The following COLEC10 variants were observed in gnomAD, a reference collection of about 807,000 sequenced individuals.
COLEC10 encodes collectin-10.
Under a neutral mutation model 28.4 loss-of-function variants are expected in COLEC10, and 22 were observed. The ratio of observed to expected loss-of-function variants is 0.78; its 90% confidence interval spans 0.55 to 1.11. COLEC10 has a LOEUF of 1.11. Ranked by LOEUF, COLEC10 falls within the 50% of genes least tolerant of loss-of-function variation. The pLI, the probability that COLEC10 is intolerant of heterozygous loss-of-function variation, is 0.00. For missense variants in COLEC10, 361 were observed against 344.1 expected (o/e 1.05, Z -0.39); for synonymous variants, 125 against 116.1 (o/e 1.08, Z -0.49).
chr8:118,957,816 C>T, the COLEC10 span, among the ~76,000 whole-genome samples: 34 of 152,138 alleles, frequency 2.2e-4, no homozygotes, highest in African/African-American at 8.2e-4. Flanking sequence ...ATTTTACCAC[C>T]ATTATGCTAG....
intron 5 of COLEC10, among the ~76,000 whole-genome samples, chr8:119,105,239 G>A (rs1373556197): frequency 6.6e-6 from 1 of 152,128 alleles, no homozygotes; most frequent in Non-Finnish European, 1.5e-5. Flanking sequence ...AGAAATGCAG[G>A]CAAACGATGA....
intron 2 of COLEC10, among the ~76,000 whole-genome samples, chr8:119,032,299 A>C (rs76002117): frequency 6.6e-6 from 1 of 152,116 alleles, no homozygotes; most frequent in Non-Finnish European, 1.5e-5. Flanking sequence ...AGCCCCTTCA[A>C]ACTTTGCTAT....
intron 2 of COLEC10, among the ~76,000 whole-genome samples, chr8:119,054,018 T>C (rs1814723125): frequency 1.3e-5 from 2 of 152,128 alleles, no homozygotes; most frequent in South Asian, 2.1e-4. Flanking sequence ...TCTTGTACTT[T>C]GGAGCCATGA....
intron 2 of COLEC10, 30 bp downstream of exon 2, chr8:119,089,781 T>C (rs766118939): frequency 6.5e-5 from 102 of 1,565,252 alleles, no homozygotes; most frequent in Non-Finnish European, 8.5e-5. Flanking sequence ...ACTGACATTT[T>C]AATATCATAA....
chr8:119,051,385 T>G (rs150371851), intron 2 of COLEC10, among the ~76,000 whole-genome samples: 157 of 152,316 alleles, frequency 1.0e-3, no homozygotes, highest in African/African-American at 3.6e-3. Flanking sequence ...CTTTTAACCT[T>G]CCTGAGCCTC....
chr8:119,099,985 C>T (rs982786870), intron 3 of COLEC10, among the ~76,000 whole-genome samples: 11 of 152,070 alleles, frequency 7.2e-5, no homozygotes, highest in South Asian at 2.1e-4. Flanking sequence ...CTGGAATCAA[C>T]GTTCCATCTG....
At chr8:119,030,793 C>A (rs1814273945) in intron 2 of COLEC10, among the ~76,000 whole-genome samples, 2 of 152,152 alleles carry the variant, frequency 1.3e-5, no homozygotes, top group African/African-American at 4.8e-5. Flanking sequence ...CATGGGAAGG[C>A]ATGTCTTATA....
intron 1 of COLEC10, among the ~76,000 whole-genome samples, chr8:119,007,953 A>G (rs1263496335): frequency 2.0e-5 from 3 of 151,028 alleles, no homozygotes; most frequent in Admixed American, 2.0e-4. Flanking sequence ...CCTGAGCCTG[A>G]CACAAGGTTG....
At chr8:119,022,537 T>G (rs888950385) in intron 2 of COLEC10, among the ~76,000 whole-genome samples, 1 of 152,148 alleles carries the variant, frequency 6.6e-6, no homozygotes, top group Non-Finnish European at 1.5e-5. Flanking sequence ...ACTACTTATT[T>G]TTTTCACACC....
chr8:119,035,284 A>G (rs538079259), intron 2 of COLEC10, among the ~76,000 whole-genome samples: 4 of 124,056 alleles, frequency 3.2e-5, no homozygotes, highest in Non-Finnish European at 6.6e-5. Flanking sequence ...ACTTTCAGGA[A>G]TATCTGCTAT....
At chr8:119,067,590 T>C (rs1814997135) in intron 1 of COLEC10, 161 bp downstream of exon 1, 2 of 640,830 alleles carry the variant, frequency 3.1e-6, no homozygotes, top group East Asian at 5.7e-5. Flanking sequence ...ATCTGGTCTG[T>C]TACTTATTTA....
In COLEC10 at chr8:119,019,144, A is replaced by T. The variant is rs557898978; in HGVS notation, n.235+9591A>T. On this transcript the variant is annotated intron_variant and non_coding_transcript_variant, in intron 2 of 6. Coordinates refer to the COLEC10 transcript ENST00000521788. ...GTAATGAATCATAGTGTCCACCTGT[A>T]AGTGTCATAAACAGATGGTATAAAT... Among the ~76,000 whole-genome samples the T allele has an allele frequency of 7.2e-5, 11 of 152,304 alleles. No individual in the cohort carries two copies. In the East Asian group the frequency reaches 2.1e-3, roughly 29 times the overall value.
chr8:119,025,106 C>T (rs75896730), intron 2 of COLEC10, among the ~76,000 whole-genome samples: 443 of 152,266 alleles, frequency 2.9e-3, no homozygotes, highest in Non-Finnish European at 3.9e-3. Flanking sequence ...AGAGCTTGGC[C>T]TCTAGCTCAA....
At chr8:119,062,617 C>T (rs1814877744), upstream of COLEC10, among the ~76,000 whole-genome samples, 3 of 152,044 alleles carry the variant, frequency 2.0e-5, no homozygotes, top group South Asian at 6.2e-4. Flanking sequence ...GTAGCTGGTA[C>T]TACAAGCATG....
chr8:119,100,639 C>T (rs765686352), intron 3 of COLEC10, among the ~76,000 whole-genome samples: 4 of 152,276 alleles, frequency 2.6e-5, no homozygotes, highest in Middle Eastern at 3.4e-3. Flanking sequence ...CTTTTCATAG[C>T]GAAGCTCAAA....
At chr8:119,064,909 A>G (rs1473903236), upstream of COLEC10, among the ~76,000 whole-genome samples, 1 of 152,154 alleles carries the variant, frequency 6.6e-6, no homozygotes, top group Non-Finnish European at 1.5e-5. Context: ...TCTAATCCAC[A>G]GGACTATTTT....
At chr8:119,094,628 G>A (rs1325957118) in intron 3 of COLEC10, among the ~76,000 whole-genome samples, 1 of 152,154 alleles carries the variant, frequency 6.6e-6, no homozygotes, top group Non-Finnish European at 1.5e-5. Context: ...TCATCCACCA[G>A]TTCATAAGTG....
intron 1 of COLEC10, among the ~76,000 whole-genome samples, chr8:118,997,539 A>ACTGT (rs1212835753): frequency 1.9e-4 from 29 of 152,122 alleles, no homozygotes; most frequent in Admixed American, 7.9e-4. Context: ...ATTACACTTT[A>ACTGT]CTGTCCTCAT....
At chr8:119,103,145 C>T (rs1030864957) in intron 4 of COLEC10, among the ~76,000 whole-genome samples, 2 of 152,096 alleles carry the variant, frequency 1.3e-5, no homozygotes, top group Non-Finnish European at 2.9e-5. Context: ...TTGTAATTCC[C>T]TCTCTGTCAC....
Sources: gnomAD v4.1 joint callset for allele counts (sites outside exome capture counted in the v4.1 genomes callset) on GRCh38, gnomAD v4.1.1 for gene constraint, MANE v1.5 for transcripts, NCBI Gene and HGNC (gene_info 2026-07-23, HGNC 2026-07-21) for gene names.